CDC42BPB: variants seen among roughly 807,000 people sequenced by gnomAD.
The protein encoded by CDC42BPB is serine/threonine-protein kinase MRCK beta.
A neutral mutation model predicts 214.9 loss-of-function variants in CDC42BPB; 37 were observed. That is an observed-to-expected ratio of 0.17 (90% CI 0.13 to 0.23). The LOEUF is 0.23. CDC42BPB is among the 10% of genes least tolerant of loss of function. CDC42BPB has a pLI of 1.00. For synonymous variants in CDC42BPB, 931 were observed against 884.0 expected (o/e 1.05, Z -0.94); for missense variants, 1,694 against 2,227.0 (o/e 0.76, Z 4.82).
At chr14:103,045,189 T>C (rs1888223572) in intron 1 of CDC42BPB, among the ~76,000 whole-genome samples, 1 of 152,110 alleles carries the variant, frequency 6.6e-6, no homozygotes, top group Non-Finnish European at 1.5e-5. Context: ...GAAGTGCTGT[T>C]TTGGGTGCTG....
intron 1 of CDC42BPB, among the ~76,000 whole-genome samples, chr14:103,054,186 A>G (rs1481317100): frequency 1.3e-5 from 2 of 152,160 alleles, no homozygotes; most frequent in South Asian, 2.1e-4. Flanking sequence ...TAAAACTTAA[A>G]AAGTTTACTA....
intron 5 of CDC42BPB, among the ~76,000 whole-genome samples, chr14:102,995,821 C>T (rs1595121882): frequency 6.6e-6 from 1 of 152,240 alleles, no homozygotes; most frequent in Non-Finnish European, 1.5e-5. Context: ...CGGCACCACT[C>T]TGGCGCCAAT....
At chr14:102,954,801 C>A in intron 21 of CDC42BPB, 113 bp from the exon 22 acceptor site, 1 of 1,474,052 alleles carries the variant, frequency 6.8e-7, no homozygotes, top group South Asian at 1.4e-5. Context: ...CCAGAAGTCC[C>A]AGCGGTTCTT....
At chr14:103,020,017 G>T (rs1476330150) in intron 1 of CDC42BPB, among the ~76,000 whole-genome samples, 1 of 152,210 alleles carries the variant, frequency 6.6e-6, no homozygotes, top group Non-Finnish European at 1.5e-5. Context: ...CCCAGGGTGG[G>T]AGGGTCTGAG....
intron 20 of CDC42BPB, among the ~76,000 whole-genome samples, chr14:102,961,578 C>G (rs1595469596): frequency 6.6e-6 from 1 of 151,828 alleles, no homozygotes; most frequent in East Asian, 1.9e-4. Context: ...GTTGCCCAAG[C>G]TGGAGTGCAA....
intron 21 of CDC42BPB, among the ~76,000 whole-genome samples, chr14:102,957,816 C>A (rs1892778682): frequency 1.3e-5 from 2 of 152,226 alleles, no homozygotes; most frequent in African/African-American, 2.4e-5. Flanking sequence ...CCTACTCACA[C>A]AGGCAGCAAC....
Position 102,966,404 on chromosome 14 carries a change from A to C in CDC42BPB, c.2472-17T>G. On this transcript the variant is annotated splice_polypyrimidine_tract_variant and intron_variant, in intron 17 of 36. Transcript: ENST00000361246. ...TCACTGACCCTGGAGGAGGGAACAGATGTTCTATCTCACGAAGCATGGCTA... is the reference window on the plus strand; with the variant it reads ...TCACTGACCCTGGAGGAGGGAACAGCTGTTCTATCTCACGAAGCATGGCTA... The C allele has an allele frequency of 1.2e-6, 2 of 1,612,210 alleles. No individual in the cohort carries two copies. Among genetic ancestry groups the C allele is most frequent in the Non-Finnish European group, 1.7e-6 (2 of 1,178,698 alleles).
intron 1 of CDC42BPB, among the ~76,000 whole-genome samples, chr14:103,044,666 G>A (rs1014174656): frequency 2.0e-5 from 3 of 151,792 alleles, no homozygotes; most frequent in African/African-American, 7.3e-5. Flanking sequence ...ACCACGCCTG[G>A]CCCTAATTTT....
intron 14 of CDC42BPB, 40 bp downstream of exon 14, chr14:102,970,111 T>A: frequency 6.8e-7 from 1 of 1,481,226 alleles, no homozygotes; most frequent in Non-Finnish European, 9.4e-7. Context: ...AAGATAAGCA[T>A]CCCTCTCAGT....
intron 4 of CDC42BPB, among the ~76,000 whole-genome samples, chr14:103,002,486 C>T (rs1469992588): frequency 6.6e-6 from 1 of 152,234 alleles, no homozygotes; most frequent in Non-Finnish European, 1.5e-5. Context: ...CAAGCATCAT[C>T]ATCTTCCTTT....
Position 102,946,605 on chromosome 14 carries a change from T to C in CDC42BPB, c.3611A>G (p.Lys1204Arg), listed in dbSNP as rs1407202788. Residue 1204 changes from lysine to arginine, a missense_variant, in exon 28 of 37, where the codon AAG becomes AGG. Physicochemically the swap from Lys to Arg is conservative, Grantham distance 26. Transcript: ENST00000361246. The part of the protein sequence containing the change: ...ILTENENEKR[K>R]WVGILEGLQS... ...GAGTCCTTCTAGAATCCCAACCCAC[T>C]TCCTCTTTTCATTCTCATTTTCTGT... The C allele has an allele frequency of 6.2e-7, 1 of 1,612,794 alleles. No individual in the cohort carries two copies. The highest frequency in any genetic ancestry group is 8.5e-7 in the Non-Finnish European group (1 of 1,179,968).
At chr14:102,997,052 C>T (rs1894771573) in intron 5 of CDC42BPB, among the ~76,000 whole-genome samples, 1 of 152,154 alleles carries the variant, frequency 6.6e-6, no homozygotes, top group Non-Finnish European at 1.5e-5. Context: ...CGAAGCAGCA[C>T]TCCAGCAAGA....
intron 8 of CDC42BPB, among the ~76,000 whole-genome samples, chr14:102,980,416 CAG>C (rs1395339386): frequency 2.0e-5 from 3 of 152,044 alleles, no homozygotes; most frequent in Non-Finnish European, 2.9e-5. Context: ...TGGCTTGAAA[CAG>C]GGAGTCAGAG....
rs376853584 is a variant in CDC42BPB, at chr14:102,949,575, T to C, written c.3449+190A>G. The stretch of plus-strand genomic sequence containing the variant: ...CCGTTCCTGCGCACGCAGGCCCGTA[T>C]GCATGTCTGTTCATACGCATGTGAG... On this transcript the variant is annotated intron_variant, in intron 26 of 36. Coordinates refer to ENST00000361246, the MANE Select transcript of CDC42BPB (RefSeq NM_006035.4). Among the ~76,000 whole-genome samples, 5 of 152,194 alleles carry C rather than the reference T, an allele frequency of 3.3e-5. No homozygotes were observed. In the East Asian group the frequency reaches 5.8e-4, roughly 18 times the overall value.
intron 36 of CDC42BPB, 128 bp from the exon 37 acceptor site, chr14:102,933,971 A>G: frequency 7.1e-7 from 1 of 1,406,164 alleles, no homozygotes; most frequent in Non-Finnish European, 9.2e-7. Context: ...CATGTTATGA[A>G]AACACACACG....
At chr14:102,936,186 T>G (rs752521768) in intron 36 of CDC42BPB, among the ~76,000 whole-genome samples, 2 of 152,208 alleles carry the variant, frequency 1.3e-5, no homozygotes, top group African/African-American at 2.4e-5. Context: ...GAAAACAATT[T>G]GGTGGTTCCT....
intron 3 of CDC42BPB, among the ~76,000 whole-genome samples, chr14:103,006,226 T>C (rs1487014068): frequency 2.0e-5 from 3 of 152,202 alleles, no homozygotes; most frequent in East Asian, 3.8e-4. Flanking sequence ...TCAGTGTGCC[T>C]GACCTCCTGT....
chr14:102,984,297 AG>A (rs758585329), intron 6 of CDC42BPB, among the ~76,000 whole-genome samples: 7 of 152,152 alleles, frequency 4.6e-5, no homozygotes, highest in Non-Finnish European at 1.0e-4. Flanking sequence ...TGCAGCACGC[AG>A]GGAGTCTTGT....
At chr14:103,046,866 C>T (rs1888318458) in intron 1 of CDC42BPB, among the ~76,000 whole-genome samples, 2 of 151,912 alleles carry the variant, frequency 1.3e-5, no homozygotes, top group South Asian at 4.2e-4. Context: ...GTTGGCCAGG[C>T]TGGTCTCCAA....
Sources: gnomAD v4.1 joint callset for allele counts (sites outside exome capture counted in the v4.1 genomes callset) on GRCh38, gnomAD v4.1.1 for gene constraint, MANE v1.5 for transcripts, NCBI Gene and HGNC (gene_info 2026-07-23, HGNC 2026-07-21) for gene names.